TMCC1: variants seen among roughly 807,000 people sequenced by gnomAD.
TMCC1 encodes the protein transmembrane and coiled-coil domains protein 1.
In TMCC1, 15 loss-of-function variants were observed where a neutral mutation model predicts 52.4. That is an observed-to-expected ratio of 0.29 (90% CI 0.19 to 0.44). TMCC1 has a LOEUF of 0.44. TMCC1 is among the 20% of genes least tolerant of loss of function. The pLI, the probability that TMCC1 is intolerant of heterozygous loss-of-function variation, is 1.00. For synonymous variants in TMCC1, 279 were observed against 301.9 expected, an observed-to-expected ratio of 0.92 and a Z score of 0.79; for missense variants, 503 against 806.0, an observed-to-expected ratio of 0.62 and a Z score of 4.55.
intron 5 of TMCC1, among the ~76,000 whole-genome samples, chr3:129,658,209 T>C (rs538519227): frequency 2.0e-5 from 3 of 152,298 alleles, no homozygotes; most frequent in South Asian, 2.1e-4. Context: ...TTTCACTACA[T>C]GTATGCATAT....
chr3:129,886,240 T>G (rs572823754), intron 1 of TMCC1, among the ~76,000 whole-genome samples: 1 of 152,320 alleles, frequency 6.6e-6, no homozygotes, highest in African/African-American at 2.4e-5. Flanking sequence ...ACCAAAATTC[T>G]TTATTCTATA....
intron 4 of TMCC1, among the ~76,000 whole-genome samples, chr3:129,739,881 T>TA (rs1189874751): frequency 2.0e-5 from 3 of 152,254 alleles, no homozygotes; most frequent in Non-Finnish European, 4.4e-5. Flanking sequence ...TCCCTGATCT[T>TA]AAATACTACA....
intron 4 of TMCC1, among the ~76,000 whole-genome samples, chr3:129,781,949 C>G (rs1287670860): frequency 1.3e-5 from 2 of 151,888 alleles, no homozygotes; most frequent in East Asian, 3.9e-4. Context: ...TGCTGATATA[C>G]TGGGAATAAG....
intron 4 of TMCC1, among the ~76,000 whole-genome samples, chr3:129,724,866 T>C (rs2049948032): frequency 6.6e-6 from 1 of 152,182 alleles, no homozygotes; most frequent in African/African-American, 2.4e-5. Flanking sequence ...AAGAAAACTG[T>C]ACTACAGCAC....
intron 4 of TMCC1, among the ~76,000 whole-genome samples, chr3:129,759,613 C>T (rs2053327779): frequency 6.7e-6 from 1 of 148,848 alleles, no homozygotes; most frequent in East Asian, 2.0e-4. Context: ...AGACATGTTG[C>T]CCAGGCTGGT....
At chr3:129,867,329 C>CA (rs1383285711) in intron 2 of TMCC1, among the ~76,000 whole-genome samples, 4 of 152,162 alleles carry the variant, frequency 2.6e-5, no homozygotes, top group African/African-American at 9.7e-5. Context: ...TGATAGCCTT[C>CA]TTCTTCAACA....
At chr3:129,779,275 CTT>C (rs1172491136) in intron 4 of TMCC1, among the ~76,000 whole-genome samples, 2 of 152,014 alleles carry the variant, frequency 1.3e-5, no homozygotes, top group Admixed American at 1.3e-4. Flanking sequence ...TAAAATATCT[CTT>C]ATATTTTAAT....
chr3:129,759,175 C>T (rs1286397079), intron 4 of TMCC1, among the ~76,000 whole-genome samples: 5 of 152,076 alleles, frequency 3.3e-5, no homozygotes, highest in South Asian at 4.1e-4. Context: ...TATCTCAAAG[C>T]AAGCCCTACT....
intron 4 of TMCC1, among the ~76,000 whole-genome samples, chr3:129,701,771 C>T (rs569249508): frequency 6.6e-6 from 1 of 152,152 alleles, no homozygotes; most frequent in East Asian, 1.9e-4. Context: ...AATCATGTAC[C>T]ACCCAGGGGA....
At chr3:129,849,483 G>A (rs894963274) in intron 2 of TMCC1, among the ~76,000 whole-genome samples, 6 of 137,678 alleles carry the variant, frequency 4.4e-5, no homozygotes, top group African/African-American at 1.6e-4. Context: ...AAAGTATCTC[G>A]GCCAGGCACG....
At chr3:129,683,699 G>A (rs1247898877) in intron 4 of TMCC1, among the ~76,000 whole-genome samples, 2 of 152,016 alleles carry the variant, frequency 1.3e-5, no homozygotes, top group East Asian at 1.9e-4. Context: ...TGAACATTGT[G>A]CCCAATAGTT....
chr3:129,757,413 T>C (rs1007825502), intron 4 of TMCC1, among the ~76,000 whole-genome samples: 3 of 152,218 alleles, frequency 2.0e-5, no homozygotes, highest in African/African-American at 7.2e-5. Flanking sequence ...TTAACTTTCT[T>C]ACTGTGTCTC....
chr3:129,668,859 G>A (rs1449221493), intron 5 of TMCC1, among the ~76,000 whole-genome samples: 1 of 152,172 alleles, frequency 6.6e-6, no homozygotes, highest in Non-Finnish European at 1.5e-5. Flanking sequence ...TTCTGACCTT[G>A]GGTGGTCCAC....
chr3:129,754,899 G>A (rs1367449274), intron 4 of TMCC1, among the ~76,000 whole-genome samples: 2 of 152,126 alleles, frequency 1.3e-5, no homozygotes, highest in East Asian at 1.9e-4. Context: ...CCAACATGGT[G>A]AAACCTCGTC....
chr3:129,825,455 C>T (rs144082179), intron 4 of TMCC1, among the ~76,000 whole-genome samples: 12 of 151,890 alleles, frequency 7.9e-5, no homozygotes, highest in African/African-American at 2.7e-4. Flanking sequence ...GTGATATTAA[C>T]CTTAATAGAG....
intron 2 of TMCC1, among the ~76,000 whole-genome samples, chr3:129,839,561 C>G (rs57504716): frequency 0.015 from 2,355 of 152,130 alleles, 47 homozygotes; most frequent in African/African-American, 0.055. Context: ...TTAAGACCAG[C>G]CTAGGCAACA....
intron 2 of TMCC1, among the ~76,000 whole-genome samples, chr3:129,850,723 G>A (rs1245238579): frequency 2.0e-5 from 3 of 152,266 alleles, no homozygotes; most frequent in South Asian, 2.1e-4. Flanking sequence ...CTTCAGAGCC[G>A]AGAGCCCCGA....
At chr3:129,683,590 G>GT (rs1406998867) in intron 4 of TMCC1, among the ~76,000 whole-genome samples, 1 of 152,048 alleles carries the variant, frequency 6.6e-6, no homozygotes, top group Admixed American at 6.6e-5. Flanking sequence ...TCTTTGTTTT[G>GT]TTTTTCATAG....
intron 4 of TMCC1, among the ~76,000 whole-genome samples, chr3:129,719,365 C>T (rs76618010): frequency 1.7e-3 from 262 of 152,308 alleles, no homozygotes; most frequent in Non-Finnish European, 3.3e-3. Flanking sequence ...TATGCCTTGC[C>T]TATGCATCTT....
Sources: gnomAD v4.1 joint callset for allele counts (sites outside exome capture counted in the v4.1 genomes callset) on GRCh38, gnomAD v4.1.1 for gene constraint, MANE v1.5 for transcripts, NCBI Gene and HGNC (gene_info 2026-07-23, HGNC 2026-07-21) for gene names.